Variants in GLG1 observed in about 807,000 individuals in gnomAD.
GLG1 encodes golgi glycoprotein 1.
GLG1 carries 38 observed loss-of-function variants against 160.5 expected under a neutral mutation model. The observed-to-expected ratio is 0.24, with a 90% CI of 0.18 to 0.31. GLG1 has a LOEUF of 0.31. Among genes scored for constraint, GLG1 ranks in the 10% least tolerant of loss-of-function variants. The probability of loss-of-function intolerance (pLI) is 1.00; values close to 1 mark genes in which losing one functional copy is unlikely to be tolerated. For missense variants in GLG1, 1,373 were observed against 1,505.2 expected (o/e 0.91, Z 1.45); for synonymous variants, 644 against 543.4 (o/e 1.19, Z -2.57).
At position 74,512,151 on chromosome 16, in the gene GLG1, C is replaced by A. The variant is rs949335110; in HGVS notation, c.472-3226G>T. Among the ~76,000 whole-genome samples, 19 of 130,648 alleles carry A rather than the reference C, an allele frequency of 1.5e-4. No homozygotes were observed. The East Asian group carries it at 3.7e-3, about 25-fold the overall frequency. 85.7% of individuals were successfully genotyped at this position (130,648 alleles called of 152,430 possible). On this transcript the variant is annotated intron_variant, in intron 2 of 25. Transcript: ENST00000422840. ...GGCAACCATTAATCTACTTTCTGGT[C>A]TTTTATTTCTTTTTTTTTTTTTTCT...
At chr16:74,478,210 A>G (rs2015461750) in intron 11 of GLG1, among the ~76,000 whole-genome samples, 1 of 152,184 alleles carries the variant, frequency 6.6e-6, no homozygotes, top group Non-Finnish European at 1.5e-5. Flanking sequence ...GTGTCAGTCT[A>G]TGAACACCAG....
rs767377470 is a variant in GLG1 at position 74,606,637 on chromosome 16, G to T, written c.438+20C>A. ...GCCCGCACCAGGCCTGGCCCTCCCGGCTTCGTCCCACCTCCTCACCTCCCT... is the reference window on the plus strand; with the variant it reads ...GCCCGCACCAGGCCTGGCCCTCCCGTCTTCGTCCCACCTCCTCACCTCCCT... On this transcript the variant is annotated intron_variant, in intron 1 of 25. Transcript: ENST00000422840. The T allele has an allele frequency of 2.0e-6, 3 of 1,534,900 alleles. No individual in the cohort carries two copies. Among genetic ancestry groups the T allele is most frequent in the Non-Finnish European group, 2.6e-6 (3 of 1,138,850 alleles).
intron 1 of GLG1, among the ~76,000 whole-genome samples, chr16:74,603,374 C>T (rs895425278): frequency 6.7e-6 from 1 of 150,016 alleles, no homozygotes; most frequent in African/African-American, 2.5e-5. Context: ...CACACCACTG[C>T]ACTCCAGCCT....
chr16:74,498,986 A>G (rs1175296503), intron 4 of GLG1, among the ~76,000 whole-genome samples: 2 of 151,650 alleles, frequency 1.3e-5, no homozygotes, highest in Non-Finnish European at 2.9e-5. Context: ...GGATTTGTCT[A>G]TAGCACCTTA....
chr16:74,596,848 GGCACATGCCTATAATTCCA>G (rs1299028485), intron 1 of GLG1, among the ~76,000 whole-genome samples: 2 of 152,076 alleles, frequency 1.3e-5, no homozygotes, highest in Non-Finnish European at 2.9e-5. Context: ...TGGGTACAGT[GGCACATGCCTATAATTCCA>G]GCACTCTGGG....
chr16:74,458,662 T>A (rs1229496034), intron 23 of GLG1, among the ~76,000 whole-genome samples: 1 of 152,112 alleles, frequency 6.6e-6, no homozygotes, highest in Non-Finnish European at 1.5e-5. Flanking sequence ...AGACAAAGTG[T>A]GACCCTATCT....
At chr16:74,573,898 A>G (rs911101240) in intron 1 of GLG1, among the ~76,000 whole-genome samples, 1 of 151,460 alleles carries the variant, frequency 6.6e-6, no homozygotes, top group African/African-American at 2.4e-5. Flanking sequence ...GGCGAAAGTG[A>G]TTCTCCCAGC....
intron 1 of GLG1, among the ~76,000 whole-genome samples, chr16:74,570,851 G>A (rs1186985454): frequency 6.6e-6 from 1 of 152,134 alleles, no homozygotes; most frequent in Non-Finnish European, 1.5e-5. Context: ...TCATGCCACT[G>A]CATTCCAGCT....
chr16:74,490,970 A>C, intron 8 of GLG1, 31 bp downstream of exon 8: 1 of 1,500,088 alleles, frequency 6.7e-7, no homozygotes. Context: ...TAAATGTGAC[A>C]TTCAAAATGG....
chr16:74,502,342 T>C (rs905305175), intron 4 of GLG1, among the ~76,000 whole-genome samples: 10 of 152,188 alleles, frequency 6.6e-5, no homozygotes, highest in Non-Finnish European at 1.0e-4. Context: ...AAAAATAAGA[T>C]CAGATATAAC....
intron 3 of GLG1, among the ~76,000 whole-genome samples, chr16:74,505,842 G>A (rs145962888): frequency 3.6e-3 from 547 of 151,998 alleles, no homozygotes; most frequent in African/African-American, 8.5e-3. Flanking sequence ...GCAACAGAGC[G>A]AGACTACTTC....
chr16:74,604,684 T>C (rs1363300501), intron 1 of GLG1, among the ~76,000 whole-genome samples: 2 of 152,236 alleles, frequency 1.3e-5, no homozygotes, highest in Non-Finnish European at 2.9e-5. Flanking sequence ...GTTATGCTCT[T>C]TCAAACACAT....
chr16:74,530,665 G>A (rs565999507), intron 2 of GLG1, among the ~76,000 whole-genome samples: 1,726 of 151,450 alleles, frequency 0.011, 14 homozygotes, highest in Non-Finnish European at 0.018. Flanking sequence ...GAGATGGGGG[G>A]CTCACTTTGT....
At chr16:74,574,526 A>G (rs568011728) in intron 1 of GLG1, among the ~76,000 whole-genome samples, 2 of 152,142 alleles carry the variant, frequency 1.3e-5, no homozygotes, top group Non-Finnish European at 2.9e-5. Flanking sequence ...CCCCAAAGCA[A>G]GCCTTTGAAT....
At chr16:74,573,666 T>A (rs1348129609) in intron 1 of GLG1, among the ~76,000 whole-genome samples, 1 of 148,658 alleles carries the variant, frequency 6.7e-6, no homozygotes, top group Non-Finnish European at 1.5e-5. Context: ...GCTTCCCCAG[T>A]AGCTGGGACT....
At chr16:74,517,728 G>T (rs573422761) in intron 2 of GLG1, among the ~76,000 whole-genome samples, 5 of 152,058 alleles carry the variant, frequency 3.3e-5, no homozygotes, top group African/African-American at 7.2e-5. Context: ...AGCAATAAAG[G>T]GTATTCAAAT....
intron 24 of GLG1, 79 bp from the exon 25 acceptor site, chr16:74,456,834 T>C (rs148416765): frequency 0.019 from 16,752 of 863,554 alleles, 259 homozygotes; most frequent in Middle Eastern, 0.024. Flanking sequence ...AGGAAGAGGG[T>C]GCACAACCAC....
chr16:74,598,923 T>C (rs1238059438), intron 1 of GLG1, among the ~76,000 whole-genome samples: 1 of 151,334 alleles, frequency 6.6e-6, no homozygotes, highest in East Asian at 1.9e-4. Context: ...TATATATAAC[T>C]TATATAAAGA....
chr16:74,565,375 G>C (rs1038205109), intron 1 of GLG1, among the ~76,000 whole-genome samples: 2 of 152,106 alleles, frequency 1.3e-5, no homozygotes, highest in Admixed American at 1.3e-4. Flanking sequence ...ACCAAAGAGG[G>C]GAATTGTTAA....
Sources: gnomAD v4.1 joint callset for allele counts (sites outside exome capture counted in the v4.1 genomes callset) on GRCh38, gnomAD v4.1.1 for gene constraint, MANE v1.5 for transcripts, NCBI Gene and HGNC (gene_info 2026-07-23, HGNC 2026-07-21) for gene names.